PLA2G5: variants seen among roughly 807,000 people sequenced by gnomAD.
PLA2G5 encodes Ca2+-dependent phospholipase A2.
A neutral mutation model predicts 15.9 loss-of-function variants in PLA2G5; 12 were observed. The ratio of observed to expected loss-of-function variants is 0.76; its 90% CI spans 0.48 to 1.23. The LOEUF is 1.23. PLA2G5 is among the 50% of genes most tolerant of loss of function. The probability of loss-of-function intolerance (pLI) is 0.00; values close to 1 mark genes in which losing one functional copy is unlikely to be tolerated. For synonymous variants in PLA2G5, 71 were observed against 71.4 expected (o/e 0.99, Z 0.03); for missense variants, 169 against 177.1 (o/e 0.95, Z 0.26).
At chr1:20,072,690 G>T (rs958790157) in intron 1 of PLA2G5, among the ~76,000 whole-genome samples, 1 of 152,180 alleles carries the variant, frequency 6.6e-6, no homozygotes, top group Non-Finnish European at 1.5e-5. Flanking sequence ...GCTATGTGCT[G>T]TTACAGAGGT....
At chr1:20,033,456 T>C (rs1050960415) in intron 1 of PLA2G5, among the ~76,000 whole-genome samples, 26 of 152,172 alleles carry the variant, frequency 1.7e-4, no homozygotes, top group African/African-American at 5.3e-4. Context: ...ATAAGCAAGA[T>C]GACAGGAGGG....
At chr1:20,050,711 C>CT (rs201777772) in intron 1 of PLA2G5, among the ~76,000 whole-genome samples, 12 of 151,788 alleles carry the variant, frequency 7.9e-5, no homozygotes, top group Admixed American at 1.3e-4. Context: ...AGGTTTTTGA[C>CT]TTTTTTTTGG....
upstream of PLA2G5, chr1:20,069,090 A>T: frequency 2.1e-6 from 1 of 475,410 alleles, no homozygotes. Flanking sequence ...GAAAACAATG[A>T]TACGCAATTT....
At chr1:20,058,823 G>C (rs1176033844) in intron 1 of PLA2G5, among the ~76,000 whole-genome samples, 1 of 152,144 alleles carries the variant, frequency 6.6e-6, no homozygotes, top group East Asian at 1.9e-4. Context: ...TAGTAGCCAA[G>C]TGAGGAATGC....
chr1:20,086,698 G>GT (rs1433990946), intron 3 of PLA2G5, among the ~76,000 whole-genome samples: 1 of 152,218 alleles, frequency 6.6e-6, no homozygotes, highest in Non-Finnish European at 1.5e-5. Context: ...GGTTGCAAGA[G>GT]TGAGTGACCC....
chr1:20,032,543 AG>A (rs2013016789), intron 1 of PLA2G5, among the ~76,000 whole-genome samples: 1 of 151,990 alleles, frequency 6.6e-6, no homozygotes. Context: ...TAGCTCCCTG[AG>A]GGGAAGTTTG....
chr1:20,029,396 T>C (rs199949507), intron 1 of PLA2G5, among the ~76,000 whole-genome samples: 72 of 129,120 alleles, frequency 5.6e-4, no homozygotes, highest in East Asian at 8.9e-4. Context: ...CCTCCGCTGA[T>C]ATGTTCCTCC....
At chr1:20,063,859 A>T (rs539951392) in intron 2 of PLA2G5, among the ~76,000 whole-genome samples, 1 of 152,294 alleles carries the variant, frequency 6.6e-6, no homozygotes, top group East Asian at 1.9e-4. Context: ...AAATCTGTCC[A>T]GTGCAACCAC....
At position 20,030,150 on chromosome 1, in the gene PLA2G5, G is replaced by A. The variant is rs78125773; in HGVS notation, n.276+1441G>A. ...AGAAGAGTGGACCCAGGGGACCAGC[G>A]CTTAGCATACGAAGGACCAGCGCTG... On this transcript the variant is annotated intron_variant and non_coding_transcript_variant, in intron 1 of 6. Transcript: ENST00000460175. Among the ~76,000 whole-genome samples, 65 of 152,120 alleles carry A rather than the reference G, an allele frequency of 4.3e-4. No individual in the cohort carries two copies. In the East Asian group the frequency reaches 9.3e-3, roughly 22 times the overall value.
intron 1 of PLA2G5, among the ~76,000 whole-genome samples, chr1:20,081,652 G>A (rs2016033192): frequency 1.3e-5 from 2 of 151,810 alleles, no homozygotes; most frequent in Admixed American, 1.3e-4. Flanking sequence ...TTTAGGGCAG[G>A]AGAAACCTTG....
chr1:20,085,668 A>T (rs181768839), intron 2 of PLA2G5, among the ~76,000 whole-genome samples: 9 of 152,346 alleles, frequency 5.9e-5, no homozygotes, highest in Admixed American at 2.6e-4. Context: ...ATGCAAATAC[A>T]TTATGAATTA....
chr1:20,045,473 T>G lies in PLA2G5; in HGVS notation n.277-14159T>G, dbSNP rs112396120. ...CCCAAGTTCGTGACTGGCACTGGAG[T>G]TTTGGGTTCATGGATAAAACATATC... On this transcript the variant is annotated intron_variant and non_coding_transcript_variant, in intron 1 of 6. Coordinates refer to the PLA2G5 transcript ENST00000460175. Among the ~76,000 whole-genome samples the G allele has an allele frequency of 6.4e-3, 970 of 151,612 alleles. 4 individuals are homozygous for G. The highest frequency in any genetic ancestry group is 0.018 in the East Asian group (92 of 5,142).
chr1:20,052,772 GAA>G (rs1304293887), intron 1 of PLA2G5, among the ~76,000 whole-genome samples: 1 of 152,108 alleles, frequency 6.6e-6, no homozygotes, highest in Non-Finnish European at 1.5e-5. Context: ...AAGCTAAAGG[GAA>G]AAGTCAAGCT....
chr1:20,068,837 T>C (rs1244151874), upstream of PLA2G5: 2 of 618,954 alleles, frequency 3.2e-6, no homozygotes, highest in Admixed American at 6.3e-5. Context: ...AGCAAACACT[T>C]GTTGTCTTGT....
chr1:20,047,302 C>T (rs1302367737), intron 1 of PLA2G5, among the ~76,000 whole-genome samples: 1 of 151,628 alleles, frequency 6.6e-6, no homozygotes, highest in African/African-American at 2.4e-5. Flanking sequence ...AGCAAGCACA[C>T]ATTGATCCAC....
At chr1:20,056,546 T>C (rs2014442873) in intron 1 of PLA2G5, among the ~76,000 whole-genome samples, 1 of 152,218 alleles carries the variant, frequency 6.6e-6, no homozygotes, top group Non-Finnish European at 1.5e-5. Flanking sequence ...GGATCAGCCT[T>C]GTATGTGTGG....
chr1:20,043,425 A>G (rs2013725239), intron 1 of PLA2G5, among the ~76,000 whole-genome samples: 1 of 152,126 alleles, frequency 6.6e-6, no homozygotes, highest in South Asian at 2.1e-4. Context: ...TGTGGGATGG[A>G]ATATTGGCAT....
At chr1:20,039,860 T>C (rs2013490784) in intron 1 of PLA2G5, among the ~76,000 whole-genome samples, 1 of 152,154 alleles carries the variant, frequency 6.6e-6, no homozygotes. Context: ...TAAACTTAGG[T>C]TTATAATGTA....
At chr1:20,049,317 C>A (rs896140031) in intron 1 of PLA2G5, among the ~76,000 whole-genome samples, 12 of 152,130 alleles carry the variant, frequency 7.9e-5, no homozygotes, top group Admixed American at 2.0e-4. Context: ...ATTAAAGGAA[C>A]ATTATAATCT....
Sources: gnomAD v4.1 joint callset for allele counts (sites outside exome capture counted in the v4.1 genomes callset) on GRCh38, gnomAD v4.1.1 for gene constraint, MANE v1.5 for transcripts, NCBI Gene and HGNC (gene_info 2026-07-23, HGNC 2026-07-21) for gene names.